CDKL5: variants seen among roughly 807,000 people sequenced by gnomAD.
The protein encoded by CDKL5 is cyclin-dependent kinase-like 5.
CDKL5 carries 8 observed loss-of-function variants against 61.7 expected under a neutral mutation model. The ratio of observed to expected loss-of-function variants is 0.13; its 90% CI spans 0.08 to 0.23. The LOEUF is 0.23. CDKL5 is among the 10% of genes least tolerant of loss of function. The pLI is 1.00. For missense variants in CDKL5, 440 were observed against 734.5 expected (o/e 0.60, Z 4.63); for synonymous variants, 275 against 272.3 (o/e 1.01, Z -0.10).
chrX:18,614,099 C>G (rs188127248), intron 15 of CDKL5, among the ~76,000 whole-genome samples: 1 of 111,330 alleles, frequency 9.0e-6, no homozygotes, highest in Non-Finnish European at 1.9e-5. Context: ...GGATTTGGAA[C>G]AAGACCAGTC....
intron 3 of CDKL5, among the ~76,000 whole-genome samples, chrX:18,523,958 G>A (rs1170330308): frequency 2.7e-5 from 3 of 111,737 alleles, no homozygotes; most frequent in South Asian, 3.7e-4. Flanking sequence ...TGCTGAATTC[G>A]TTTATTAGTT....
chrX:18,435,533 G>A (rs1184795499), intron 1 of CDKL5, among the ~76,000 whole-genome samples: 1 of 111,108 alleles, frequency 9.0e-6, no homozygotes, highest in East Asian at 2.8e-4. Context: ...ACTACATGGA[G>A]TGATAAAATG....
chrX:18,480,857 C>CTTT (rs200858035), intron 1 of CDKL5, among the ~76,000 whole-genome samples: 4 of 96,626 alleles, frequency 4.1e-5, no homozygotes, highest in Non-Finnish European at 6.2e-5. Context: ...TTCTTTCTTC[C>CTTT]TTTTTTTTTT....
Position 18,632,615 on chromosome X carries a change from T to G in CDKL5, c.*3858T>G. ...GAAGTATTTGTGCTGTATGCTTTGGTTAAATCTGTTTTAAAACATGCTTTA... is the reference window on the plus strand; with the variant it reads ...GAAGTATTTGTGCTGTATGCTTTGGGTAAATCTGTTTTAAAACATGCTTTA... On this transcript the variant is annotated 3_prime_UTR_variant, in exon 18 of 18. Coordinates refer to ENST00000623535, the MANE Select transcript of CDKL5 (RefSeq NM_001323289.2). The G allele has an allele frequency of 1.3e-6, 1 of 754,633 alleles. No homozygotes were observed. Among genetic ancestry groups the G allele is most frequent in the Non-Finnish European group, 1.6e-6 (1 of 639,425 alleles). The allele number at this position is 754,633 out of a possible 1,213,427, so 62.2% of individuals were successfully genotyped here. A position where few individuals can be genotyped will look rare whatever the true frequency, so the allele number is the denominator to read the frequency against.
intron 3 of CDKL5, among the ~76,000 whole-genome samples, chrX:18,550,777 A>G (rs1924356835): frequency 8.9e-6 from 1 of 112,523 alleles, no homozygotes; most frequent in Non-Finnish European, 1.9e-5. Flanking sequence ...TAAAATAAGG[A>G]CAAAATGAAA....
intron 3 of CDKL5, among the ~76,000 whole-genome samples, chrX:18,553,162 T>C (rs1005881769): frequency 1.8e-5 from 2 of 110,780 alleles, no homozygotes; most frequent in African/African-American, 6.6e-5. Context: ...ATGGATTTGG[T>C]GGTGCAGACA....
At chrX:18,559,397 T>TG (rs1337219487) in intron 3 of CDKL5, among the ~76,000 whole-genome samples, 1 of 109,969 alleles carries the variant, frequency 9.1e-6, no homozygotes, top group Non-Finnish European at 1.9e-5. Flanking sequence ...GTAGTAGAGA[T>TG]GGGGTTTCAC....
intron 1 of CDKL5, among the ~76,000 whole-genome samples, chrX:18,468,455 ATCCT>A (rs957569734): frequency 8.6e-4 from 97 of 112,339 alleles, no homozygotes; most frequent in Non-Finnish European, 1.6e-3. Context: ...AGCTGAAGAA[ATCCT>A]TCCCACTGGA....
At chrX:18,452,087 T>A (rs1246096257) in intron 1 of CDKL5, among the ~76,000 whole-genome samples, 1 of 112,003 alleles carries the variant, frequency 8.9e-6, no homozygotes, top group Non-Finnish European at 1.9e-5. Flanking sequence ...AATGGCTCAA[T>A]TTGTTGCACT....
At chrX:18,647,438 G>T in intron 20 of CDKL5, 1 of 874,226 alleles carries the variant, frequency 1.1e-6, no homozygotes, top group East Asian at 3.2e-5. Context: ...TTCGGAGACG[G>T]AGAAGGCTTT....
intron 20 of CDKL5, among the ~76,000 whole-genome samples, chrX:18,646,506 T>G (rs1927779233): frequency 8.9e-6 from 1 of 112,612 alleles, no homozygotes; most frequent in Non-Finnish European, 1.9e-5. Flanking sequence ...ATTAAGTCAC[T>G]GTACTTTGGT....
intron 1 of CDKL5, among the ~76,000 whole-genome samples, chrX:18,429,262 T>A (rs1462787424): frequency 8.9e-6 from 1 of 112,026 alleles, no homozygotes; most frequent in Non-Finnish European, 1.9e-5. Flanking sequence ...TGATTGTCAA[T>A]ACTTTGAATT....
intron 1 of CDKL5, among the ~76,000 whole-genome samples, chrX:18,467,184 C>A (rs1412327043): frequency 1.8e-5 from 2 of 109,546 alleles, no homozygotes; most frequent in East Asian, 5.8e-4. Flanking sequence ...CATAGGGTAC[C>A]GAACTAAGGA....
rs375973901 is a variant in CDKL5, at chrX:18,579,823, A to G, written c.283-25A>G. 2.8e-5 allele frequency: 33 copies of G among 1,196,130 alleles called. No individual in the cohort carries two copies. The highest frequency in any genetic ancestry group is 3.5e-5 in the Non-Finnish European group (31 of 883,199). On this transcript the variant is annotated intron_variant, in intron 5 of 17. Coordinates refer to ENST00000623535, the MANE Select transcript of CDKL5 (RefSeq NM_001323289.2). Reference sequence around the variant, plus strand: ...ATTTACGGGCCTACCTAATTTGGGAAATAATGACTCTATTTAATTTTTAGA... The same window carrying G: ...ATTTACGGGCCTACCTAATTTGGGAGATAATGACTCTATTTAATTTTTAGA...
At chrX:18,468,464 A>G (rs1920983685) in intron 1 of CDKL5, among the ~76,000 whole-genome samples, 1 of 112,135 alleles carries the variant, frequency 8.9e-6, no homozygotes, top group Non-Finnish European at 1.9e-5. Context: ...AATCCTTCCC[A>G]CTGGAAATAT....
At chrX:18,575,331 C>G (rs771352443) in intron 4 of CDKL5, 23 bp from the exon 5 acceptor site, 2 of 1,198,176 alleles carry the variant, frequency 1.7e-6, no homozygotes, top group African/African-American at 1.8e-5. Flanking sequence ...ATTTTAGTCT[C>G]TTCACCATTG....
At chrX:18,593,191 G>T (rs920198899) in intron 9 of CDKL5, among the ~76,000 whole-genome samples, 25 of 112,205 alleles carry the variant, frequency 2.2e-4, no homozygotes, top group Non-Finnish European at 4.7e-4. Context: ...GATTCAGAAA[G>T]AGACAAGACT....
Position 18,631,951 on chromosome X carries a change from G to A in CDKL5, c.*3194G>A. On this transcript the variant is annotated 3_prime_UTR_variant, in exon 18 of 18. Coordinates refer to ENST00000623535, the MANE Select transcript of CDKL5 (RefSeq NM_001323289.2). Reference sequence around the variant, plus strand: ...TGGCAATGTCTGGGGACATTTGGTTGTCATAGCTGGGGGGGAGGTGATGGT... The same window carrying A: ...TGGCAATGTCTGGGGACATTTGGTTATCATAGCTGGGGGGGAGGTGATGGT... 1.5e-6 allele frequency: 1 copy of A among 668,091 alleles called. No individual in the cohort carries two copies. The highest frequency in any genetic ancestry group is 1.8e-6 in the Non-Finnish European group (1 of 560,786). The allele number at this position is 668,091 out of a possible 1,213,427, so 55.1% of individuals were successfully genotyped here.
At chrX:18,541,085 A>G (rs1315045477) in intron 3 of CDKL5, among the ~76,000 whole-genome samples, 4 of 111,972 alleles carry the variant, frequency 3.6e-5, no homozygotes, top group East Asian at 2.8e-4. Context: ...TTTTTCTCCT[A>G]TAGGTAAGGT....
Sources: gnomAD v4.1 joint callset for allele counts (sites outside exome capture counted in the v4.1 genomes callset) on GRCh38, gnomAD v4.1.1 for gene constraint, MANE v1.5 for transcripts, NCBI Gene and HGNC (gene_info 2026-07-23, HGNC 2026-07-21) for gene names.